The following ZNF362 variants were observed in gnomAD, a reference collection of about 807,000 sequenced individuals.
ZNF362 encodes zinc finger protein 362, also known as rotund homolog.
Under a neutral mutation model 42.9 loss-of-function variants are expected in ZNF362, and 11 were observed. The ratio of observed to expected loss-of-function variants is 0.26; its 90% CI spans 0.16 to 0.42. The LOEUF is 0.42. ZNF362 is among the 20% of genes least tolerant of loss of function. The pLI, the probability that ZNF362 is intolerant of heterozygous loss-of-function variation, is 1.00. For missense variants in ZNF362, 362 were observed against 576.2 expected, an observed-to-expected ratio of 0.63 and a Z score of 3.81; for synonymous variants, 255 against 257.3, an observed-to-expected ratio of 0.99 and a Z score of 0.09.
At chr1:33,210,310 T>C in the ZNF362 span, among the ~76,000 whole-genome samples, 1 of 152,204 alleles carries the variant, frequency 6.6e-6, no homozygotes, top group Non-Finnish European at 1.5e-5. Context: ...TAATTTCTGT[T>C]CTTTTACATT....
the ZNF362 span, among the ~76,000 whole-genome samples, chr1:33,154,131 A>G: frequency 4.0e-5 from 6 of 151,846 alleles, no homozygotes; most frequent in Admixed American, 6.6e-5. Context: ...GGGAGAATAC[A>G]AAACATGTAG....
chr1:33,197,667 C>A, the ZNF362 span, among the ~76,000 whole-genome samples: 4 of 152,056 alleles, frequency 2.6e-5, no homozygotes, highest in African/African-American at 9.7e-5. Flanking sequence ...GGGGAGGGAA[C>A]CCAGGCTAAC....
At chr1:33,255,591 G>T (rs997983197), upstream of ZNF362, among the ~76,000 whole-genome samples, 1 of 152,138 alleles carries the variant, frequency 6.6e-6, no homozygotes, top group African/African-American at 2.4e-5. Context: ...GCGGGAGGAG[G>T]AGTCACACAG....
intron 8 of ZNF362, among the ~76,000 whole-genome samples, chr1:33,297,423 TATC>T (rs1170975948): frequency 2.0e-5 from 3 of 152,128 alleles, no homozygotes; most frequent in Non-Finnish European, 4.4e-5. Flanking sequence ...CCAAAGTCCT[TATC>T]ATCATCAGAT....
chr1:33,233,585 G>A, the ZNF362 span, among the ~76,000 whole-genome samples: 21 of 152,098 alleles, frequency 1.4e-4, no homozygotes, highest in Non-Finnish European at 2.4e-4. Context: ...TGTATTTTTC[G>A]TAGAGACGGG....
At chr1:33,237,090 A>G in the ZNF362 span, among the ~76,000 whole-genome samples, 3 of 152,120 alleles carry the variant, frequency 2.0e-5, no homozygotes, top group African/African-American at 7.2e-5. Flanking sequence ...CCACAGAACA[A>G]AACCACACAT....
the ZNF362 span, among the ~76,000 whole-genome samples, chr1:33,134,830 A>G: frequency 1.3e-5 from 2 of 152,216 alleles, no homozygotes; most frequent in Non-Finnish European, 1.5e-5. Flanking sequence ...CTGTGCTCCC[A>G]GGAGAAATCC....
chr1:33,198,476 G>T, the ZNF362 span, among the ~76,000 whole-genome samples: 2 of 152,286 alleles, frequency 1.3e-5, no homozygotes, highest in Admixed American at 1.3e-4. Flanking sequence ...AGACCAGCCT[G>T]GACAACATGG....
At chr1:33,270,374 T>G (rs1466380454) in intron 1 of ZNF362, 113 bp from the exon 2 acceptor site, 3 of 536,710 alleles carry the variant, frequency 5.6e-6, no homozygotes, top group Non-Finnish European at 1.0e-5. Context: ...ATTGGGAAGA[T>G]TCAGTGACAT....
chr1:33,251,808 C>T (rs1293602763), upstream of ZNF362, among the ~76,000 whole-genome samples: 1 of 152,244 alleles, frequency 6.6e-6, no homozygotes, highest in African/African-American at 2.4e-5. Flanking sequence ...TTCTCTCAGA[C>T]ACTTCCAGCC....
At chr1:33,253,214 C>A (rs1051889177), upstream of ZNF362, among the ~76,000 whole-genome samples, 5 of 144,636 alleles carry the variant, frequency 3.5e-5, no homozygotes, top group African/African-American at 1.3e-4. Flanking sequence ...AGAGACAGGG[C>A]AGCATCTAGT....
chr1:33,168,078 G>A, the ZNF362 span, among the ~76,000 whole-genome samples: 1 of 152,132 alleles, frequency 6.6e-6, no homozygotes, highest in African/African-American at 2.4e-5. Context: ...TGAGATGGAG[G>A]GGACTTTAGG....
the ZNF362 span, among the ~76,000 whole-genome samples, chr1:33,245,474 A>T: frequency 6.6e-6 from 1 of 151,988 alleles, no homozygotes; most frequent in Non-Finnish European, 1.5e-5. Context: ...AAAAAAAGAG[A>T]GATATGCCCA....
chr1:33,211,717 G>C, the ZNF362 span, among the ~76,000 whole-genome samples: 1 of 151,980 alleles, frequency 6.6e-6, no homozygotes, highest in African/African-American at 2.4e-5. Context: ...GTGTCTCGGG[G>C]TTGCTCTTCT....
At chr1:33,230,551 T>C in the ZNF362 span, among the ~76,000 whole-genome samples, 7 of 152,218 alleles carry the variant, frequency 4.6e-5, no homozygotes, top group South Asian at 2.1e-4. Context: ...ATACTTCACA[T>C]GTGTCGGGCC....
At chr1:33,158,812 A>C in the ZNF362 span, among the ~76,000 whole-genome samples, 2 of 152,114 alleles carry the variant, frequency 1.3e-5, no homozygotes, top group East Asian at 3.9e-4. Context: ...CAACTGATGT[A>C]GCTTTTCAGA....
At chr1:33,278,030 C>T (rs549159903) in intron 4 of ZNF362, among the ~76,000 whole-genome samples, 15 of 152,294 alleles carry the variant, frequency 9.8e-5, no homozygotes. Flanking sequence ...TAAACCTCTC[C>T]AGGCCCCAGC....
chr1:33,175,031 T>TATGTATATGTA, the ZNF362 span, among the ~76,000 whole-genome samples: 794 of 147,142 alleles, frequency 5.4e-3, 11 homozygotes, highest in African/African-American at 0.015. Flanking sequence ...ATGTATATGT[T>TATGTATATGTA]TATGTATATG....
the ZNF362 span, chr1:33,141,784 CA>C: frequency 5.9e-6 from 1 of 169,020 alleles, no homozygotes; most frequent in Admixed American, 6.3e-5. Flanking sequence ...CACCATAGCA[CA>C]CATTTACCTA....
Sources: gnomAD v4.1 joint callset for allele counts (sites outside exome capture counted in the v4.1 genomes callset) on GRCh38, gnomAD v4.1.1 for gene constraint, MANE v1.5 for transcripts, NCBI Gene and HGNC (gene_info 2026-07-23, HGNC 2026-07-21) for gene names.